Variants in UBASH3A observed in about 807,000 individuals in gnomAD.
UBASH3A encodes the protein ubiquitin-associated and SH3 domain-containing protein A.
In UBASH3A, 63 loss-of-function variants were observed where a neutral mutation model predicts 73.5. The ratio of observed to expected loss-of-function variants is 0.86; its 90% confidence interval spans 0.70 to 1.06. The LOEUF (loss-of-function observed/expected upper bound fraction) is 1.06, where lower values mean the gene tolerates loss of function less well. Among genes scored for constraint, UBASH3A ranks in the 50% least tolerant of loss-of-function variants. UBASH3A has a pLI of 0.00. For missense variants in UBASH3A, 860 were observed against 859.0 expected (o/e 1.00, Z -0.02); for synonymous variants, 363 against 351.1 (o/e 1.03, Z -0.38).
At chr21:42,444,320 G>A (rs532757591) in intron 13 of UBASH3A, among the ~76,000 whole-genome samples, 1 of 152,218 alleles carries the variant, frequency 6.6e-6, no homozygotes, top group African/African-American at 2.4e-5. Context: ...CCTGAGGCTG[G>A]TGGGCAGCTG....
chr21:42,441,826 A>G (rs112711874), intron 11 of UBASH3A, among the ~76,000 whole-genome samples: 8,248 of 152,306 alleles, frequency 0.054, 327 homozygotes, highest in Middle Eastern at 0.13. Flanking sequence ...TTTGAGTTCA[A>G]TGACATCTTC....
At chr21:42,423,315 G>A (rs907242565) in intron 7 of UBASH3A, among the ~76,000 whole-genome samples, 19 of 152,254 alleles carry the variant, frequency 1.2e-4, no homozygotes, top group Non-Finnish European at 1.8e-4. Context: ...ATCACAGGAT[G>A]TGGGTGCCAC....
At chr21:42,406,167 C>A in intron 1 of UBASH3A, 141 bp from the exon 2 acceptor site, 1 of 745,432 alleles carries the variant, frequency 1.3e-6, no homozygotes. Flanking sequence ...GGCGCTAGAA[C>A]TTCCAGCTGG....
intron 7 of UBASH3A, among the ~76,000 whole-genome samples, chr21:42,425,975 GAC>G (rs1051000796): frequency 6.6e-6 from 1 of 152,174 alleles, no homozygotes; most frequent in Non-Finnish European, 1.5e-5. Flanking sequence ...AAGACAGAGA[GAC>G]AGAGAGTGAC....
chr21:42,446,576 C>T (rs1028040223), intron 14 of UBASH3A, among the ~76,000 whole-genome samples: 3 of 152,382 alleles, frequency 2.0e-5, no homozygotes, highest in African/African-American at 7.2e-5. Context: ...TGTTCTCACA[C>T]ATCCATTTCA....
chr21:42,438,897 G>A (rs985725537), intron 11 of UBASH3A, among the ~76,000 whole-genome samples: 14 of 152,102 alleles, frequency 9.2e-5, no homozygotes, highest in African/African-American at 3.4e-4. Context: ...GGCCATGGAG[G>A]AGCCATCCCG....
At chr21:42,446,598 A>ATG (rs1241706365) in intron 14 of UBASH3A, among the ~76,000 whole-genome samples, 2 of 152,256 alleles carry the variant, frequency 1.3e-5, no homozygotes, top group Non-Finnish European at 2.9e-5. Context: ...AGATGAAGGG[A>ATG]TGGAGGTCTA....
At chr21:42,433,487 C>T (rs1452073937) in intron 9 of UBASH3A, among the ~76,000 whole-genome samples, 1 of 152,192 alleles carries the variant, frequency 6.6e-6, no homozygotes, top group African/African-American at 2.4e-5. Context: ...CCTTGCCCCA[C>T]ATCCTTGTCC....
chr21:42,430,547 G>A (rs2053509812), intron 8 of UBASH3A, among the ~76,000 whole-genome samples: 1 of 152,152 alleles, frequency 6.6e-6, no homozygotes, highest in Non-Finnish European at 1.5e-5. Flanking sequence ...GTGCCTGTCT[G>A]AGCTGCCTCC....
chr21:42,416,542 C>G lies in UBASH3A; in HGVS notation c.768C>G (p.Ile256Met). The G allele has an allele frequency of 5.0e-6, 8 of 1,610,422 alleles. No individual in the cohort carries two copies. Among genetic ancestry groups the G allele is most frequent in the Non-Finnish European group, 5.9e-6 (7 of 1,178,554 alleles). ...QRTLEQLARA[I>M]PLGHSCQWTA... ...CGCTGGAGCAGCTGGCCAGAGCCAT[C>G]CCCCTGGGCCACAGCTGCCAGTGGA... The change falls in exon 6 of 15, where the codon ATC (isoleucine) becomes ATG (methionine). Residue 256 changes from isoleucine to methionine, a missense_variant. Transcript: ENST00000319294.
At chr21:42,414,533 A>C (rs2053164049) in intron 5 of UBASH3A, among the ~76,000 whole-genome samples, 1 of 152,170 alleles carries the variant, frequency 6.6e-6, no homozygotes, top group Admixed American at 6.5e-5. Flanking sequence ...GAACTTGGGA[A>C]TGTGACCTCA....
chr21:42,406,868 T>A (rs983720113), intron 2 of UBASH3A, among the ~76,000 whole-genome samples: 3 of 152,178 alleles, frequency 2.0e-5, no homozygotes, highest in Admixed American at 2.0e-4. Context: ...CTACGATGGA[T>A]AAGATTGAGA....
chr21:42,429,739 C>A (rs1378949386), intron 8 of UBASH3A, among the ~76,000 whole-genome samples: 1 of 152,130 alleles, frequency 6.6e-6, no homozygotes, highest in African/African-American at 2.4e-5. Flanking sequence ...GCAAGACAAA[C>A]CTTCCCCTGA....
intron 8 of UBASH3A, among the ~76,000 whole-genome samples, chr21:42,431,349 G>T (rs2053525526): frequency 1.3e-5 from 2 of 152,252 alleles, no homozygotes; most frequent in Non-Finnish European, 1.5e-5. Flanking sequence ...TCCCCAGAAA[G>T]AGGGCGGGCG....
At position 42,442,987 on chromosome 21, in the gene UBASH3A, C is replaced by T. The variant is rs1206836022; in HGVS notation, c.1632-325C>T. Among the ~76,000 whole-genome samples, 7 of 152,280 alleles carry T rather than the reference C, an allele frequency of 4.6e-5. No homozygotes were observed. The East Asian group carries it at 1.4e-3, about 29-fold the overall frequency. On this transcript the variant is annotated intron_variant, in intron 12 of 14. Coordinates refer to ENST00000319294, the MANE Select transcript of UBASH3A (RefSeq NM_018961.4). ...CTCTGCAAGAACAGACACAGAAGCC[C>T]AAGGGTCAAGACCTCATTGAGAAGA...
chr21:42,426,031 C>T (rs569874765), intron 7 of UBASH3A, among the ~76,000 whole-genome samples: 2 of 152,076 alleles, frequency 1.3e-5, no homozygotes, highest in South Asian at 2.1e-4. Context: ...GGAATTGGTT[C>T]AAGACTGTGA....
intron 11 of UBASH3A, among the ~76,000 whole-genome samples, chr21:42,441,085 A>C (rs1191095621): frequency 1.3e-5 from 2 of 152,226 alleles, no homozygotes; most frequent in Non-Finnish European, 2.9e-5. Flanking sequence ...GATGGTGATG[A>C]TGCCTGTTTA....
chr21:42,418,214 T>G (rs575024406), intron 6 of UBASH3A, among the ~76,000 whole-genome samples, 187 bp from the exon 7 acceptor site: 3 of 152,270 alleles, frequency 2.0e-5, no homozygotes, highest in African/African-American at 7.2e-5. Flanking sequence ...TCCAAAGAAT[T>G]CTATGCTGCG....
At chr21:42,426,894 A>C in intron 8 of UBASH3A, 74 bp downstream of exon 8, 1 of 1,545,880 alleles carries the variant, frequency 6.5e-7, no homozygotes, top group South Asian at 1.2e-5. Flanking sequence ...CACGGTGGAC[A>C]CAGCTTCGTA....
Sources: allele counts gnomAD v4.1 joint callset (sites outside exome capture counted in the v4.1 genomes callset), GRCh38; gene constraint gnomAD v4.1.1; transcripts MANE v1.5; gene names NCBI Gene and HGNC (gene_info 2026-07-23, HGNC 2026-07-21).